CNTLN: variants seen among roughly 807,000 people sequenced by gnomAD.
CNTLN encodes centlein, centrosomal protein.
In CNTLN, 212 loss-of-function variants were observed where a neutral mutation model predicts 180.0. The ratio of observed to expected loss-of-function variants is 1.18; its 90% CI spans 1.05 to 1.32. The LOEUF is 1.32. Ranked by LOEUF, CNTLN falls within the 40% of genes most tolerant of loss-of-function variation. The probability of loss-of-function intolerance (pLI) is 0.00; values close to 1 mark genes in which losing one functional copy is unlikely to be tolerated. For synonymous variants in CNTLN, 722 were observed against 563.1 expected (o/e 1.28, Z -3.99); for missense variants, 2,095 against 1,610.9 (o/e 1.30, Z -5.14).
intron 18 of CNTLN, among the ~76,000 whole-genome samples, chr9:17,456,026 C>T (rs897808914): frequency 4.0e-5 from 6 of 151,614 alleles, no homozygotes; most frequent in African/African-American, 9.7e-5. Context: ...GAAAGGTTGA[C>T]GGGAGAGAGA....
the CNTLN span, among the ~76,000 whole-genome samples, chr9:17,523,230 A>G: frequency 6.6e-6 from 1 of 151,998 alleles, no homozygotes; most frequent in Non-Finnish European, 1.5e-5. Context: ...CTTCTGATGG[A>G]CTTATACATA....
At chr9:17,135,610 C>G (rs1369522284) in intron 1 of CNTLN, among the ~76,000 whole-genome samples, 185 bp downstream of exon 1, 2 of 152,170 alleles carry the variant, frequency 1.3e-5, no homozygotes, top group Non-Finnish European at 2.9e-5. Context: ...TCCCCAAACC[C>G]GGGCCCCTGC....
chr9:17,244,025 T>G (rs998182213), intron 5 of CNTLN, among the ~76,000 whole-genome samples: 9 of 152,176 alleles, frequency 5.9e-5, no homozygotes, highest in African/African-American at 2.2e-4. Context: ...TGTTATATTC[T>G]TTTGCTGAAT....
chr9:17,440,421 C>CAAAA (rs528636729), intron 18 of CNTLN, among the ~76,000 whole-genome samples: 1 of 75,684 alleles, frequency 1.3e-5, no homozygotes, highest in African/African-American at 4.4e-5. Context: ...AAATAAAATA[C>CAAAA]AAAAAAAAAA....
At chr9:17,176,763 G>A (rs1170560251) in intron 2 of CNTLN, among the ~76,000 whole-genome samples, 3 of 152,132 alleles carry the variant, frequency 2.0e-5, no homozygotes, top group Non-Finnish European at 4.4e-5. Context: ...TTCCTTAATA[G>A]TTATAGGATT....
intron 6 of CNTLN, among the ~76,000 whole-genome samples, chr9:17,295,122 T>C (rs1817776127): frequency 6.6e-6 from 1 of 151,110 alleles, no homozygotes; most frequent in South Asian, 2.1e-4. Flanking sequence ...CTGGCCGCTC[T>C]GAGTGCGGGC....
intron 23 of CNTLN, among the ~76,000 whole-genome samples, chr9:17,474,823 G>A (rs554603388): frequency 4.7e-4 from 71 of 150,700 alleles, no homozygotes; most frequent in African/African-American, 1.5e-3. Flanking sequence ...AGCCAAGATC[G>A]CGCCACTGCA....
chr9:17,505,173 C>T (rs1833909984), downstream of CNTLN, among the ~76,000 whole-genome samples: 3 of 151,816 alleles, frequency 2.0e-5, no homozygotes, highest in African/African-American at 7.3e-5. Context: ...TAAATAGGAA[C>T]TTCTCAATTT....
intron 12 of CNTLN, among the ~76,000 whole-genome samples, chr9:17,363,755 G>C (rs1166300066): frequency 1.3e-5 from 2 of 151,956 alleles, no homozygotes; most frequent in East Asian, 3.9e-4. Context: ...TGCTATGATT[G>C]CTTTAGATAA....
At chr9:17,459,566 T>A (rs1188080476) in intron 19 of CNTLN, among the ~76,000 whole-genome samples, 2 of 151,846 alleles carry the variant, frequency 1.3e-5, no homozygotes, top group Non-Finnish European at 2.9e-5. Flanking sequence ...GTTTTGATGC[T>A]GGTTTGTAGA....
intron 23 of CNTLN, among the ~76,000 whole-genome samples, chr9:17,468,740 C>T (rs1831893544): frequency 6.6e-6 from 1 of 151,490 alleles, no homozygotes; most frequent in South Asian, 2.1e-4. Flanking sequence ...TATATTTCTC[C>T]ATACAAAGTA....
At chr9:17,137,460 T>C (rs1022810545) in intron 1 of CNTLN, among the ~76,000 whole-genome samples, 9 of 152,180 alleles carry the variant, frequency 5.9e-5, no homozygotes, top group Admixed American at 5.9e-4. Flanking sequence ...ATACATAGCA[T>C]TAAAACTGCT....
At chr9:17,159,063 G>A (rs969704747) in intron 2 of CNTLN, among the ~76,000 whole-genome samples, 3 of 152,062 alleles carry the variant, frequency 2.0e-5, no homozygotes, top group African/African-American at 7.2e-5. Context: ...TCAGAGTGAT[G>A]TCCTCTTTGA....
intron 1 of CNTLN, among the ~76,000 whole-genome samples, chr9:17,137,090 C>G (rs1029344909): frequency 6.6e-6 from 1 of 152,172 alleles, no homozygotes; most frequent in African/African-American, 2.4e-5. Context: ...TACTTACATT[C>G]TTTAAAAATG....
At chr9:17,416,450 A>G (rs181894249) in intron 18 of CNTLN, among the ~76,000 whole-genome samples, 77 of 152,282 alleles carry the variant, frequency 5.1e-4, no homozygotes, top group African/African-American at 1.7e-3. Flanking sequence ...AGTTTTTCTC[A>G]TCTTTGAAAT....
chr9:17,213,686 A>G (rs888921615), intron 2 of CNTLN, among the ~76,000 whole-genome samples: 1 of 152,066 alleles, frequency 6.6e-6, no homozygotes, highest in African/African-American at 2.4e-5. Context: ...ATTGTGTGGG[A>G]GTCTAAGTCT....
At chr9:17,519,852 T>C in the CNTLN span, among the ~76,000 whole-genome samples, 1 of 152,204 alleles carries the variant, frequency 6.6e-6, no homozygotes, top group Admixed American at 6.5e-5. Context: ...CAGTAGAGTT[T>C]CTATTTCAAA....
At chr9:17,281,372 C>T (rs1304323384) in intron 6 of CNTLN, among the ~76,000 whole-genome samples, 1 of 151,986 alleles carries the variant, frequency 6.6e-6, no homozygotes, top group African/African-American at 2.4e-5. Context: ...TTTGCAGCAC[C>T]TATCAATCTA....
At chr9:17,379,122 G>C (rs1414873858) in intron 13 of CNTLN, among the ~76,000 whole-genome samples, 1 of 151,418 alleles carries the variant, frequency 6.6e-6, no homozygotes, top group Non-Finnish European at 1.5e-5. Flanking sequence ...TAAGAATTCT[G>C]CTGTCATTCT....
Sources: gnomAD v4.1 joint callset for allele counts (sites outside exome capture counted in the v4.1 genomes callset) on GRCh38, gnomAD v4.1.1 for gene constraint, MANE v1.5 for transcripts, NCBI Gene and HGNC (gene_info 2026-07-23, HGNC 2026-07-21) for gene names.